The following IQCM variants were observed in gnomAD, a reference collection of about 807,000 sequenced individuals.
The protein encoded by IQCM is IQ motif containing M.
Under a neutral mutation model 57.6 loss-of-function variants are expected in IQCM, and 45 were observed. That is an observed-to-expected ratio of 0.78 (90% CI 0.62 to 1.00). The LOEUF (loss-of-function observed/expected upper bound fraction) is 1.00. IQCM is among the 50% of genes least tolerant of loss of function. The pLI is 0.00. For missense variants in IQCM, 468 were observed against 511.6 expected, an observed-to-expected ratio of 0.91 and a Z score of 0.82; for synonymous variants, 148 against 158.9, an observed-to-expected ratio of 0.93 and a Z score of 0.51.
At chr4:149,400,254 T>A (rs1314926967) in intron 13 of IQCM, among the ~76,000 whole-genome samples, 1 of 151,734 alleles carries the variant, frequency 6.6e-6, no homozygotes, top group Non-Finnish European at 1.5e-5. Flanking sequence ...TCTTCCTACA[T>A]CCTTCTGCTT....
At chr4:149,706,554 T>C (rs9993630) in intron 5 of IQCM, among the ~76,000 whole-genome samples, 5,931 of 152,084 alleles carry the variant, frequency 0.039, 405 homozygotes, top group African/African-American at 0.13. Flanking sequence ...TCATGACTTA[T>C]AAGGAATTAT....
intron 12 of IQCM, among the ~76,000 whole-genome samples, chr4:149,442,025 G>T (rs935494527): frequency 6.6e-6 from 1 of 152,104 alleles, no homozygotes; most frequent in African/African-American, 2.4e-5. Flanking sequence ...CCATAATTGT[G>T]AGAAAATACC....
At chr4:149,515,776 G>A (rs1744895477) in intron 12 of IQCM, among the ~76,000 whole-genome samples, 1 of 152,178 alleles carries the variant, frequency 6.6e-6, no homozygotes, top group South Asian at 2.1e-4. Flanking sequence ...TGGTTTGGCT[G>A]GATGGTCAGG....
At chr4:149,721,188 C>A (rs951535750) in intron 5 of IQCM, among the ~76,000 whole-genome samples, 1 of 152,086 alleles carries the variant, frequency 6.6e-6, no homozygotes, top group Non-Finnish European at 1.5e-5. Context: ...ATGGGATTTA[C>A]ACTGTATTAG....
chr4:149,389,778 A>G (rs865946913), intron 13 of IQCM, among the ~76,000 whole-genome samples: 2 of 151,818 alleles, frequency 1.3e-5, no homozygotes, highest in African/African-American at 4.8e-5. Flanking sequence ...TAGTGGGTGC[A>G]GCGCACCAGC....
intron 8 of IQCM, among the ~76,000 whole-genome samples, chr4:149,613,104 T>C (rs745478488): frequency 5.9e-5 from 9 of 151,988 alleles, no homozygotes; most frequent in Non-Finnish European, 1.2e-4. Context: ...CATAGAAATG[T>C]CAGAAAATCA....
At chr4:149,471,521 C>T (rs1739542240) in intron 12 of IQCM, among the ~76,000 whole-genome samples, 1 of 152,134 alleles carries the variant, frequency 6.6e-6, no homozygotes, top group Admixed American at 6.5e-5. Context: ...GGATTCACAG[C>T]CGAATTCTAC....
At chr4:149,431,779 T>C (rs1734887696) in intron 13 of IQCM, among the ~76,000 whole-genome samples, 1 of 151,992 alleles carries the variant, frequency 6.6e-6, no homozygotes. Context: ...TATGATGCAT[T>C]TGAAATTCAT....
chr4:149,507,982 A>C (rs1744000194), intron 12 of IQCM, among the ~76,000 whole-genome samples: 1 of 151,950 alleles, frequency 6.6e-6, no homozygotes, highest in Admixed American at 6.6e-5. Context: ...AAAGGAGCCA[A>C]GGCACAGCTT....
intron 13 of IQCM, among the ~76,000 whole-genome samples, chr4:149,380,541 G>T (rs199723967): frequency 1.3e-5 from 2 of 151,994 alleles, no homozygotes; most frequent in Non-Finnish European, 2.9e-5. Flanking sequence ...CTTAGATCAG[G>T]GAGGAGATAC....
At chr4:149,440,579 C>T (rs1441566919) in intron 12 of IQCM, among the ~76,000 whole-genome samples, 1 of 152,070 alleles carries the variant, frequency 6.6e-6, no homozygotes, top group Non-Finnish European at 1.5e-5. Context: ...ATTACATTAG[C>T]CCTGACATGC....
chr4:149,457,874 A>C (rs1737865243), intron 12 of IQCM, among the ~76,000 whole-genome samples: 2 of 152,062 alleles, frequency 1.3e-5, no homozygotes, highest in South Asian at 4.1e-4. Flanking sequence ...ATTCATTTTG[A>C]CTTGTTACTT....
At chr4:149,663,741 C>G (rs540797488) in intron 7 of IQCM, among the ~76,000 whole-genome samples, 1 of 151,956 alleles carries the variant, frequency 6.6e-6, no homozygotes, top group African/African-American at 2.4e-5. Context: ...TGATGTTTCT[C>G]TCATGCAGCT....
chr4:149,396,588 G>C (rs1578916109), intron 13 of IQCM, among the ~76,000 whole-genome samples: 1 of 151,880 alleles, frequency 6.6e-6, no homozygotes, highest in Non-Finnish European at 1.5e-5. Context: ...TTTAACATGA[G>C]GTTTACCCTC....
chr4:149,382,746 G>C (rs922826951), intron 13 of IQCM, among the ~76,000 whole-genome samples: 1 of 152,050 alleles, frequency 6.6e-6, no homozygotes, highest in African/African-American at 2.4e-5. Flanking sequence ...GTCTCTGGAT[G>C]CTAATGAGCC....
chr4:149,583,542 G>A (rs546779390), intron 9 of IQCM, among the ~76,000 whole-genome samples: 2 of 151,516 alleles, frequency 1.3e-5, no homozygotes, highest in South Asian at 4.2e-4. Flanking sequence ...TTATCACTGA[G>A]GTCATAGTAA....
chr4:149,533,104 T>C (rs1190420533), intron 12 of IQCM, among the ~76,000 whole-genome samples: 3 of 152,082 alleles, frequency 2.0e-5, no homozygotes, highest in Non-Finnish European at 4.4e-5. Flanking sequence ...TAATTTAGTG[T>C]ATTTAAAAAG....
chr4:149,400,231 T>G (rs901990330), intron 13 of IQCM, among the ~76,000 whole-genome samples: 2 of 152,000 alleles, frequency 1.3e-5, no homozygotes, highest in African/African-American at 4.8e-5. Flanking sequence ...GGTTTTTGTT[T>G]TTTCTTTTTG....
chr4:149,625,034 G>A (rs1756678410), intron 7 of IQCM, among the ~76,000 whole-genome samples: 1 of 151,982 alleles, frequency 6.6e-6, no homozygotes, highest in Admixed American at 6.6e-5. Context: ...ACAATTAATA[G>A]TTAGGAGACA....
Sources: gnomAD v4.1 joint callset for allele counts (sites outside exome capture counted in the v4.1 genomes callset) on GRCh38, gnomAD v4.1.1 for gene constraint, MANE v1.5 for transcripts, NCBI Gene and HGNC (gene_info 2026-07-23, HGNC 2026-07-21) for gene names.